ZNF613: variants seen among roughly 807,000 people sequenced by gnomAD.
ZNF613 encodes zinc finger protein 613.
In ZNF613, 8 loss-of-function variants were observed where a neutral mutation model predicts 14.3. That is an observed-to-expected ratio of 0.56 (90% CI 0.33 to 1.01). The LOEUF is 1.01. Ranked by LOEUF, ZNF613 falls within the 50% of genes least tolerant of loss-of-function variation. The pLI, the probability that ZNF613 is intolerant of heterozygous loss-of-function variation, is 0.03. For missense variants in ZNF613, 656 were observed against 741.9 expected, an observed-to-expected ratio of 0.88 and a Z score of 1.35; for synonymous variants, 228 against 254.5, an observed-to-expected ratio of 0.90 and a Z score of 0.99.
At chr19:51,928,261 G>A (rs544989987) in intron 1 of ZNF613, among the ~76,000 whole-genome samples, 1 of 152,232 alleles carries the variant, frequency 6.6e-6, no homozygotes, top group African/African-American at 2.4e-5. Context: ...TCAGTGAGGA[G>A]GAGCCCGGGT....
chr19:51,936,693 C>T (rs1392481436), intron 3 of ZNF613, among the ~76,000 whole-genome samples: 1 of 152,152 alleles, frequency 6.6e-6, no homozygotes, highest in Non-Finnish European at 1.5e-5. Flanking sequence ...CCATGTTGCA[C>T]AGGCTGGTCT....
At position 51,938,270 on chromosome 19, in the gene ZNF613, C is replaced by T. The variant is rs182431505; in HGVS notation, c.16-1939C>T. On this transcript the variant is annotated intron_variant, in intron 3 of 5. Coordinates refer to ENST00000293471, the MANE Select transcript of ZNF613 (RefSeq NM_001031721.4). Reference sequence around the variant, plus strand: ...TTATTCTTTTTCTAAATTTTTTTTTCATTTTTCTTCTTTTTCTTTTCTTTT... The same window carrying T: ...TTATTCTTTTTCTAAATTTTTTTTTTATTTTTCTTCTTTTTCTTTTCTTTT... Among the ~76,000 whole-genome samples the T allele has an allele frequency of 8.1e-3, 1,220 of 151,364 alleles. 26 individuals are homozygous for T. Among genetic ancestry groups the T allele is most frequent in the Non-Finnish European group, 6.9e-3 (465 of 67,810 alleles).
intron 3 of ZNF613, among the ~76,000 whole-genome samples, chr19:51,939,804 T>C (rs2085332922): frequency 6.6e-6 from 1 of 152,158 alleles, no homozygotes; most frequent in Admixed American, 6.5e-5. Flanking sequence ...TGGTTGATTC[T>C]GGTAGCGCAC....
At position 51,945,366 on chromosome 19, in the gene ZNF613, G is replaced by A. The variant is rs1197448864; in HGVS notation, c.1483G>A (p.Asp495Asn). 1.2e-6 allele frequency: 2 copies of A among 1,614,094 alleles called. No individual in the cohort carries two copies. Among genetic ancestry groups the A allele is most frequent in the Non-Finnish European group, 8.5e-7 (1 of 1,179,988 alleles). Residue 495 changes from aspartate (D) to asparagine (N), a missense_variant, in exon 6 of 6, where the codon GAT becomes AAT. Transcript: ENST00000293471. ...CAGTGACTGTGGGAAAGCTTTCAGA[G>A]ATAAATCATGTCTCAACAGACATCG... ...TCSDCGKAFR[D>N]KSCLNRHRRT...
chr19:51,940,576 A>T, intron 4 of ZNF613, 41 bp from the exon 5 acceptor site: 1 of 1,582,392 alleles, frequency 6.3e-7, no homozygotes, highest in Non-Finnish European at 8.6e-7. Flanking sequence ...ACCACAGCTC[A>T]ATTCAATGAG....
intron 5 of ZNF613, among the ~76,000 whole-genome samples, chr19:51,940,942 A>AT (rs1455143313): frequency 6.6e-6 from 1 of 151,264 alleles, no homozygotes; most frequent in Non-Finnish European, 1.5e-5. Context: ...TTATTTATTT[A>AT]TTTTTTGAGA....
chr19:51,940,625 G>C lies in ZNF613; in HGVS notation c.151G>C (p.Ala51Pro), dbSNP rs2085341378. 2 of 1,612,486 alleles carry C rather than the reference G, an allele frequency of 1.2e-6. No individual in the cohort carries two copies. The highest frequency in any genetic ancestry group is 2.7e-5 in the African/African-American group (2 of 74,958). ...TCATTTCCTATGAACAGGGTATCAA[G>C]CCAGCAAACCAGATGCACTCTTCAA... is the stretch of plus-strand genomic sequence containing the variant. ...YSNLVSVGYQ[A>P]SKPDALFKLE... The change falls in exon 5 of 6, where the codon GCC (alanine) becomes CCC (proline). Residue 51 changes from alanine to proline, a missense_variant. Ala to Pro is a conservative substitution (Grantham distance 27). Transcript: ENST00000293471.
In ZNF613 at chr19:51,931,199, C is replaced by T. The variant is rs547628066; in HGVS notation, c.-194+1303C>T. 3.3e-5 allele frequency among the ~76,000 whole-genome samples: 5 copies of T among 152,112 alleles called. No homozygotes were observed. In the East Asian group the frequency reaches 9.6e-4, roughly 29 times the overall value. ...TTACGTCAACTTTGCATGCATGTGT[C>T]GCTATTTCCTTTACAAAAATTTCCA... On this transcript the variant is annotated intron_variant, in intron 2 of 5. Coordinates refer to ENST00000293471, the MANE Select transcript of ZNF613 (RefSeq NM_001031721.4).
intron 2 of ZNF613, among the ~76,000 whole-genome samples, chr19:51,933,968 T>A (rs951572272): frequency 2.6e-5 from 4 of 152,068 alleles, no homozygotes; most frequent in Admixed American, 2.6e-4. Context: ...CTGGCTACTT[T>A]TTGTAGTTTT....
intron 1 of ZNF613, 103 bp from the exon 2 acceptor site, chr19:51,929,629 C>T (rs1412135695): frequency 1.3e-5 from 2 of 152,168 alleles, no homozygotes; most frequent in Non-Finnish European, 2.9e-5. Context: ...TGTTTGCCTA[C>T]CATCTGGATT....
chr19:51,945,406 G>A lies in ZNF613; in HGVS notation c.1523G>A (p.Gly508Glu), dbSNP rs780168092. The A allele has an allele frequency of 6.2e-7, 1 of 1,613,696 alleles. No homozygotes were observed. The highest frequency in any genetic ancestry group is 8.5e-7 in the Non-Finnish European group (1 of 1,179,724). ...AACAGACATCGGAGAACTCATACAG[G>A]GGAGAGACCGTATGGATGCTCTGAT... ...CLNRHRRTHT[G>E]ERPYGCSDCG... The change falls in exon 6 of 6, where the codon GGG (glycine) becomes GAG (glutamate). Residue 508 changes from glycine to glutamate, a missense_variant. By Grantham distance (98) the Gly-to-Glu change is moderately conservative. Transcript: ENST00000293471.
At chr19:51,931,675 A>AAT (rs2085265561) in intron 2 of ZNF613, among the ~76,000 whole-genome samples, 4 of 152,154 alleles carry the variant, frequency 2.6e-5, no homozygotes, top group Non-Finnish European at 5.9e-5. Flanking sequence ...CAAGACATAA[A>AAT]ATTAATCATT....
At position 51,944,744 on chromosome 19, in the gene ZNF613, A is replaced by G. The variant is rs754562477; in HGVS notation, c.861A>G (p.Ser287=). Residue 287 remains serine (S), a synonymous_variant, in exon 6 of 6, where the codon TCA becomes TCG. Coordinates refer to ENST00000293471, the MANE Select transcript of ZNF613 (RefSeq NM_001031721.4). The part of the protein sequence containing the change: ...AHQKIHTGEK[S]YICSDCGKGF... ...AGAAAATTCATACAGGAGAGAAGTCATATATATGCAGTGATTGTGGAAAAG... is the reference window on the plus strand; with the variant it reads ...AGAAAATTCATACAGGAGAGAAGTCGTATATATGCAGTGATTGTGGAAAAG... The G allele has an allele frequency of 2.5e-6, 4 of 1,613,686 alleles. No homozygotes were observed. In the Admixed American group the frequency reaches 6.7e-5, roughly 27 times the overall value.
At chr19:51,939,315 ATTTAT>A (rs1051480547) in intron 3 of ZNF613, among the ~76,000 whole-genome samples, 2 of 151,152 alleles carry the variant, frequency 1.3e-5, no homozygotes, top group African/African-American at 4.9e-5. Flanking sequence ...TTATTTATTT[ATTTAT>A]TTTATTTTTA....
In ZNF613 at chr19:51,944,105, CTCT is replaced by C; in HGVS notation, c.236-9_236-7del. On this transcript the variant is annotated splice_polypyrimidine_tract_variant and intron_variant, in intron 5 of 5. Transcript: ENST00000293471. The stretch of plus-strand genomic sequence containing the variant: ...CATGCTCATGGAAAGATTTATTGTT[CTCT>C]TCTTTCCTAGAAATCAAGAAAGTTG... The C allele has an allele frequency of 6.6e-7, 1 of 1,514,202 alleles. No homozygotes were observed. The highest frequency in any genetic ancestry group is 8.8e-7 in the Non-Finnish European group (1 of 1,133,586). The allele number at this position is 1,514,202 out of a possible 1,614,324, so 93.8% of individuals were successfully genotyped here. A position where few individuals can be genotyped will look rare whatever the true frequency, so the allele number is the denominator to read the frequency against.
At chr19:51,935,536 C>T (rs1004710616) in intron 2 of ZNF613, among the ~76,000 whole-genome samples, 3 of 152,276 alleles carry the variant, frequency 2.0e-5, no homozygotes, top group Admixed American at 6.5e-5. Context: ...AAGGATGTAA[C>T]GCAGAAGGTA....
chr19:51,931,437 T>C (rs1280760697), intron 2 of ZNF613, among the ~76,000 whole-genome samples: 1 of 152,230 alleles, frequency 6.6e-6, no homozygotes, highest in African/African-American at 2.4e-5. Flanking sequence ...TCCTTAGTCA[T>C]ATAATTTATT....
Position 51,944,621 on chromosome 19 carries a change from G to T in ZNF613, c.738G>T (p.Gly246=). 1 of 1,614,120 alleles carries T rather than the reference G, an allele frequency of 6.2e-7. No homozygotes were observed. The highest frequency in any genetic ancestry group is 8.5e-7 in the Non-Finnish European group (1 of 1,180,040). ...GGAAAGCCTTCTCCAGAAAGTCCGGGCTCACTGAACACCAGAGAAACCACA... is the reference window on the plus strand; with the variant it reads ...GGAAAGCCTTCTCCAGAAAGTCCGGTCTCACTGAACACCAGAGAAACCACA... ...ICGKAFSRKS[G]LTEHQRNHTG... Residue 246 remains glycine, a synonymous_variant, in exon 6 of 6, where the codon GGG becomes GGT. Transcript: ENST00000293471.
In ZNF613 at chr19:51,940,312, A is replaced by T; in HGVS notation, c.119A>T (p.Asn40Ile). 1 of 1,613,604 alleles carries T rather than the reference A, an allele frequency of 6.2e-7. No homozygotes were observed. Reference protein sequence around the residue: ...KDLYRDVMLENYSNLVSVGYQ... With the variant: ...KDLYRDVMLEIYSNLVSVGYQ... ...CTGTACCGAGACGTGATGTTGGAGA[A>T]CTATAGCAACCTCGTGTCAGTGGGT... Residue 40 changes from asparagine (N) to isoleucine (I), a missense_variant, in exon 4 of 6, where the codon AAC becomes ATC. Transcript: ENST00000293471.
Sources: allele counts gnomAD v4.1 joint callset (sites outside exome capture counted in the v4.1 genomes callset), GRCh38; gene constraint gnomAD v4.1.1; transcripts MANE v1.5; gene names NCBI Gene and HGNC (gene_info 2026-07-23, HGNC 2026-07-21).